Variants in CHRM3 observed in about 807,000 individuals in gnomAD.
CHRM3 encodes the protein muscarinic acetylcholine receptor M3.
Under a neutral mutation model 41.8 loss-of-function variants are expected in CHRM3, and 11 were observed. That is an observed-to-expected ratio of 0.26 (90% CI 0.17 to 0.44). The LOEUF (loss-of-function observed/expected upper bound fraction) is 0.44, where lower values mean the gene tolerates loss of function less well. Among genes scored for constraint, CHRM3 ranks in the 20% least tolerant of loss-of-function variants. CHRM3 has a pLI of 1.00. For synonymous variants in CHRM3, 297 were observed against 301.4 expected, an observed-to-expected ratio of 0.99 and a Z score of 0.15; for missense variants, 571 against 745.4, an observed-to-expected ratio of 0.77 and a Z score of 2.72.
At chr1:239,656,745 A>G (rs912244563) in intron 4 of CHRM3, among the ~76,000 whole-genome samples, 8 of 152,174 alleles carry the variant, frequency 5.3e-5, no homozygotes, top group Non-Finnish European at 1.2e-4. Context: ...TGAAAATATT[A>G]CTTATACGAG....
intron 6 of CHRM3, among the ~76,000 whole-genome samples, chr1:239,889,682 G>A (rs1678384629): frequency 6.6e-6 from 1 of 152,198 alleles, no homozygotes; most frequent in Non-Finnish European, 1.5e-5. Flanking sequence ...GTTCAGGAGA[G>A]ATGATGTTTC....
At chr1:239,557,169 C>T (rs1660444194) in intron 3 of CHRM3, among the ~76,000 whole-genome samples, 1 of 152,132 alleles carries the variant, frequency 6.6e-6, no homozygotes, top group Admixed American at 6.5e-5. Flanking sequence ...GATTGCATTG[C>T]TCCTGACACC....
At chr1:239,614,465 A>C (rs2148770803) in intron 3 of CHRM3, among the ~76,000 whole-genome samples, 1 of 152,326 alleles carries the variant, frequency 6.6e-6, no homozygotes, top group Admixed American at 6.5e-5. Flanking sequence ...AGAACAACCC[A>C]AAGATCCAAA....
Position 239,689,673 on chromosome 1 carries a change from A to G in CHRM3, c.-147+11385A>G, listed in dbSNP as rs561548087. ...TAACAGCGGGATATCTATTGACTGC[A>G]TATTCTGTGCCAAACATTCTTTTAG... On this transcript the variant is annotated intron_variant, in intron 5 of 6. Transcript: ENST00000676153. Among the ~76,000 whole-genome samples, 28 of 152,280 alleles carry G rather than the reference A, an allele frequency of 1.8e-4. No individual in the cohort carries two copies. In the South Asian group the frequency reaches 3.5e-3, roughly 19 times the overall value.
At chr1:239,588,338 G>T (rs570678736) in intron 3 of CHRM3, among the ~76,000 whole-genome samples, 2 of 152,206 alleles carry the variant, frequency 1.3e-5, no homozygotes, top group African/African-American at 2.4e-5. Flanking sequence ...CTGTATGGGG[G>T]TATTTTTATT....
intron 1 of CHRM3, among the ~76,000 whole-genome samples, chr1:239,479,896 A>T (rs1310096910): frequency 2.0e-5 from 3 of 152,212 alleles, no homozygotes; most frequent in African/African-American, 7.2e-5. Flanking sequence ...ACTGTACACT[A>T]CTGTAGACAT....
Position 239,748,336 on chromosome 1 carries a change from A to G in CHRM3, c.-147+70048A>G, listed in dbSNP as rs903700914. Among the ~76,000 whole-genome samples, 1 of 152,158 alleles carries G rather than the reference A, an allele frequency of 6.6e-6. No individual in the cohort carries two copies. The highest frequency in any genetic ancestry group is 1.5e-5 in the Non-Finnish European group (1 of 68,034). ...TTGCAAACATCACTTCTCTCTTACG[A>G]TGCAGTCAGAATCTTATTGACACTT... On this transcript the variant is annotated intron_variant, in intron 5 of 6. Coordinates refer to ENST00000676153, the MANE Select transcript of CHRM3 (RefSeq NM_001375978.1). This position sits in a 1 kb window ranked among gnomAD's most constrained non-coding sequence, Gnocchi z 4.3.
chr1:239,768,288 T>C (rs916046310), intron 5 of CHRM3, among the ~76,000 whole-genome samples: 3 of 152,194 alleles, frequency 2.0e-5, no homozygotes, highest in Non-Finnish European at 4.4e-5. Flanking sequence ...TTGAACTCCA[T>C]CAATCTAACT....
Position 239,387,818 on chromosome 1 carries a change from C to T in CHRM3, c.-521+591C>T, listed in dbSNP as rs1393016589. Among the ~76,000 whole-genome samples the T allele has an allele frequency of 6.6e-6, 1 of 152,170 alleles. No homozygotes were observed. The highest frequency in any genetic ancestry group is 2.4e-5 in the African/African-American group (1 of 41,456). On this transcript the variant is annotated intron_variant, in intron 1 of 6. Transcript: ENST00000676153. This position sits in a 1 kb window ranked among gnomAD's most constrained non-coding sequence, Gnocchi z 5.1. ...GGCAAATTTGGCACTTCGAGTAACACTTGGGCGAAGGTACCTAGCCTAGTG... is the reference window on the plus strand; with the variant it reads ...GGCAAATTTGGCACTTCGAGTAACATTTGGGCGAAGGTACCTAGCCTAGTG...
At chr1:239,860,054 G>A (rs1675509717) in intron 6 of CHRM3, among the ~76,000 whole-genome samples, 1 of 151,988 alleles carries the variant, frequency 6.6e-6, no homozygotes, top group African/African-American at 2.4e-5. Context: ...TTGAAAGGAA[G>A]CACCCATTCT....
intron 1 of CHRM3, among the ~76,000 whole-genome samples, chr1:239,414,264 A>T (rs1347212318): frequency 6.6e-6 from 1 of 152,208 alleles, no homozygotes; most frequent in African/African-American, 2.4e-5. Context: ...CTTTGATAAC[A>T]GGTAACTGCT....
intron 5 of CHRM3, among the ~76,000 whole-genome samples, chr1:239,694,696 T>G (rs1427932986): frequency 6.6e-6 from 1 of 152,214 alleles, no homozygotes; most frequent in African/African-American, 2.4e-5. Context: ...TTGGTGGGCA[T>G]ATGAAAATTG....
intron 6 of CHRM3, among the ~76,000 whole-genome samples, chr1:239,897,510 G>C (rs1679109562): frequency 6.6e-6 from 1 of 152,120 alleles, no homozygotes; most frequent in South Asian, 2.1e-4. Flanking sequence ...TAAAAGCACT[G>C]TTCTTTATCC....
At chr1:239,644,501 A>C (rs1172831255) in intron 4 of CHRM3, among the ~76,000 whole-genome samples, 2 of 152,190 alleles carry the variant, frequency 1.3e-5, no homozygotes, top group African/African-American at 4.8e-5. Flanking sequence ...CACAATGGGA[A>C]TGCATCAGTG....
intron 3 of CHRM3, among the ~76,000 whole-genome samples, chr1:239,557,395 G>T (rs900549151): frequency 6.6e-6 from 1 of 152,090 alleles, no homozygotes; most frequent in Non-Finnish European, 1.5e-5. Context: ...CTTGGCATTG[G>T]AGACTACTCT....
At chr1:239,795,906 C>T (rs1001008366) in intron 5 of CHRM3, among the ~76,000 whole-genome samples, 15 of 152,186 alleles carry the variant, frequency 9.9e-5, no homozygotes, top group Non-Finnish European at 2.1e-4. Flanking sequence ...TATAAATAAA[C>T]TATCATTTCC....
At chr1:239,804,759 G>A (rs919053309) in intron 5 of CHRM3, among the ~76,000 whole-genome samples, 3 of 152,160 alleles carry the variant, frequency 2.0e-5, no homozygotes, top group African/African-American at 7.2e-5. Flanking sequence ...GCAGAAGATA[G>A]AATTATGATT....
intron 6 of CHRM3, among the ~76,000 whole-genome samples, chr1:239,879,740 G>A (rs1677433551): frequency 6.6e-6 from 1 of 152,136 alleles, no homozygotes; most frequent in Non-Finnish European, 1.5e-5. Context: ...CCTTAGAGAA[G>A]TACTTGCTGA....
chr1:239,582,556 A>G (rs1408962399), intron 3 of CHRM3, among the ~76,000 whole-genome samples: 1 of 152,086 alleles, frequency 6.6e-6, no homozygotes, highest in Non-Finnish European at 1.5e-5. Context: ...CCTCTGCTCC[A>G]TACAGGACAT....
Sources: gnomAD v4.1 joint callset for allele counts (sites outside exome capture counted in the v4.1 genomes callset) on GRCh38, gnomAD v4.1.1 for gene constraint, Gnocchi (gnomAD v3.1) non-coding constraint, MANE v1.5 for transcripts, NCBI Gene and HGNC (gene_info 2026-07-23, HGNC 2026-07-21) for gene names.